TRAPPC9: variants seen among roughly 807,000 people sequenced by gnomAD.
TRAPPC9 encodes trafficking protein particle complex subunit 9.
TRAPPC9 carries 83 observed loss-of-function variants against 124.0 expected under a neutral mutation model. That is an observed-to-expected ratio of 0.67 (90% CI 0.56 to 0.80). TRAPPC9 has a LOEUF of 0.80. Among genes scored for constraint, TRAPPC9 ranks in the 30% least tolerant of loss-of-function variants. The pLI is 0.00. For missense variants in TRAPPC9, 1,302 were observed against 1,508.3 expected (o/e 0.86, Z 2.27); for synonymous variants, 638 against 617.5 (o/e 1.03, Z -0.49).
intron 21 of TRAPPC9, among the ~76,000 whole-genome samples, chr8:139,812,756 G>A (rs1247799657): frequency 1.3e-5 from 2 of 152,336 alleles, no homozygotes; most frequent in South Asian, 2.1e-4. Flanking sequence ...TAAAGGTGTT[G>A]GAATCAGGGC....
chr8:140,349,232 A>T (rs28542190), intron 9 of TRAPPC9, among the ~76,000 whole-genome samples: 2,598 of 58,080 alleles, frequency 0.045, 65 homozygotes, highest in Non-Finnish European at 0.063. Context: ...AGGGGGCCGA[A>T]GGGGGCACAC....
chr8:140,452,683 G>T (rs893862649), intron 1 of TRAPPC9, among the ~76,000 whole-genome samples: 2 of 152,148 alleles, frequency 1.3e-5, no homozygotes, highest in African/African-American at 4.8e-5. Context: ...CCACGTGAAA[G>T]AATCTGGCTC....
intron 17 of TRAPPC9, among the ~76,000 whole-genome samples, chr8:140,138,980 C>G (rs752394211): frequency 5.3e-5 from 8 of 152,130 alleles, no homozygotes; most frequent in Non-Finnish European, 1.2e-4. Context: ...GAGTCAGAGA[C>G]TCAATGACAT....
At chr8:140,024,972 G>C (rs1840049974) in intron 17 of TRAPPC9, among the ~76,000 whole-genome samples, 1 of 152,202 alleles carries the variant, frequency 6.6e-6, no homozygotes, top group East Asian at 1.9e-4. Context: ...TCCAGGAGAG[G>C]CAGGGTGCTG....
At chr8:140,016,182 G>T (rs1839451822) in intron 18 of TRAPPC9, among the ~76,000 whole-genome samples, 1 of 152,082 alleles carries the variant, frequency 6.6e-6, no homozygotes, top group Non-Finnish European at 1.5e-5. Flanking sequence ...TTAAATCAAG[G>T]TTAAAATTTA....
intron 17 of TRAPPC9, among the ~76,000 whole-genome samples, chr8:140,218,017 C>CAA (rs34589290): frequency 1.4e-5 from 2 of 139,520 alleles, no homozygotes; most frequent in East Asian, 2.3e-4. Context: ...ACTCTGTCTC[C>CAA]AAAAAAAAAA....
At chr8:140,082,412 T>C (rs1843886358) in intron 17 of TRAPPC9, among the ~76,000 whole-genome samples, 1 of 152,172 alleles carries the variant, frequency 6.6e-6, no homozygotes, top group Non-Finnish European at 1.5e-5. Context: ...TGAGAAATAA[T>C]GCCCCAGAAG....
intron 18 of TRAPPC9, among the ~76,000 whole-genome samples, chr8:140,002,573 A>G (rs1400968209): frequency 6.6e-6 from 1 of 152,040 alleles, no homozygotes; most frequent in Non-Finnish European, 1.5e-5. Flanking sequence ...TTTAGTAGTA[A>G]AAGATTTACT....
At chr8:140,291,205 G>C in intron 11 of TRAPPC9, 127 bp from the exon 12 acceptor site, 1 of 851,686 alleles carries the variant, frequency 1.2e-6, no homozygotes, top group South Asian at 1.4e-5. Context: ...TGATCTTCTT[G>C]AGATGGGTGA....
At chr8:140,324,257 G>A (rs1316821728) in intron 9 of TRAPPC9, among the ~76,000 whole-genome samples, 1 of 152,150 alleles carries the variant, frequency 6.6e-6, no homozygotes, top group Non-Finnish European at 1.5e-5. Flanking sequence ...AACCTGGTGT[G>A]GCAACATTAA....
At chr8:140,054,967 C>T (rs1842215296) in intron 17 of TRAPPC9, among the ~76,000 whole-genome samples, 1 of 152,166 alleles carries the variant, frequency 6.6e-6, no homozygotes, top group African/African-American at 2.4e-5. Context: ...TTCTGTCAAA[C>T]ATTTAAAGAA....
chr8:140,247,637 C>T (rs1403946261), intron 16 of TRAPPC9, among the ~76,000 whole-genome samples: 1 of 151,600 alleles, frequency 6.6e-6, no homozygotes, highest in Admixed American at 6.6e-5. Context: ...TTTCCGTTTC[C>T]TTCTCTGGTG....
chr8:140,373,514 A>C (rs577811833), intron 7 of TRAPPC9, among the ~76,000 whole-genome samples: 1 of 152,316 alleles, frequency 6.6e-6, no homozygotes, highest in Admixed American at 6.5e-5. Context: ...GCTGGACTCC[A>C]TAATGTCCTT....
Position 140,451,055 on chromosome 8 carries a change from C to G in TRAPPC9, c.319G>C (p.Gly107Arg). The change falls in exon 2 of 23, where the codon GGC (glycine) becomes CGC (arginine). Residue 107 changes from glycine (G) to arginine (R), a missense_variant. Physicochemically the swap from Gly to Arg is moderately radical, Grantham distance 125. Transcript: ENST00000438773. ...EKFHVQKEIY[G>R]STLYDSRLFV... ...AGCCGGGAGTCATACAGTGTGGAGCCGTAGATCTCCTTCTGCACGTGGAAC... is the reference window on the plus strand; with the variant it reads ...AGCCGGGAGTCATACAGTGTGGAGCGGTAGATCTCCTTCTGCACGTGGAAC... 1 of 1,614,008 alleles carries G rather than the reference C, an allele frequency of 6.2e-7. No homozygotes were observed. Among genetic ancestry groups the G allele is most frequent in the Non-Finnish European group, 8.5e-7 (1 of 1,180,004 alleles).
chr8:139,927,419 T>A (rs1223555261), intron 19 of TRAPPC9, among the ~76,000 whole-genome samples: 1 of 152,162 alleles, frequency 6.6e-6, no homozygotes, highest in African/African-American at 2.4e-5. Flanking sequence ...TAATGTTTTT[T>A]ATTTTTAGTA....
At chr8:139,942,739 C>T (rs1431069511) in intron 19 of TRAPPC9, among the ~76,000 whole-genome samples, 4 of 152,278 alleles carry the variant, frequency 2.6e-5, no homozygotes, top group East Asian at 1.9e-4. Context: ...AGGAAAACCA[C>T]GGTGCCAGGT....
intron 17 of TRAPPC9, chr8:140,098,001 C>T (rs2130305023): frequency 6.6e-6 from 1 of 152,606 alleles, no homozygotes; most frequent in African/African-American, 2.4e-5. Flanking sequence ...TCACCAGGTC[C>T]TCCGCAGCCA....
chr8:140,355,806 G>C (rs1292039256), intron 9 of TRAPPC9, among the ~76,000 whole-genome samples: 1 of 152,202 alleles, frequency 6.6e-6, no homozygotes, highest in South Asian at 2.1e-4. Flanking sequence ...GTTTCAATAA[G>C]AGTTCACATT....
At chr8:139,873,840 C>T (rs373788949) in intron 21 of TRAPPC9, among the ~76,000 whole-genome samples, 2 of 152,222 alleles carry the variant, frequency 1.3e-5, no homozygotes, top group South Asian at 4.1e-4. Context: ...GATCAGAACC[C>T]CTAGTCCACC....
Sources: allele counts gnomAD v4.1 joint callset (sites outside exome capture counted in the v4.1 genomes callset), GRCh38; gene constraint gnomAD v4.1.1; transcripts MANE v1.5; gene names NCBI Gene and HGNC (gene_info 2026-07-23, HGNC 2026-07-21).